TCOF1: variants seen among roughly 807,000 people sequenced by gnomAD.
TCOF1 encodes the protein treacle protein.
Under a neutral mutation model 149.0 loss-of-function variants are expected in TCOF1, and 33 were observed. The ratio of observed to expected loss-of-function variants is 0.22; its 90% CI spans 0.17 to 0.30. The LOEUF is 0.30. Among genes scored for constraint, TCOF1 ranks in the 10% least tolerant of loss-of-function variants. TCOF1 has a pLI of 1.00. For missense variants in TCOF1, 1,728 were observed against 1,840.7 expected, an observed-to-expected ratio of 0.94 and a Z score of 1.12; for synonymous variants, 789 against 738.8, an observed-to-expected ratio of 1.07 and a Z score of -1.10.
At chr5:150,378,810 C>G in intron 14 of TCOF1, 95 bp from the exon 15 acceptor site, 1 of 1,583,252 alleles carries the variant, frequency 6.3e-7, no homozygotes, top group African/African-American at 1.3e-5. Flanking sequence ...GAGCCAGAAT[C>G]CAGACTCGGG....
chr5:150,369,439 G>A (rs946532934), intron 5 of TCOF1, 90 bp from the exon 6 acceptor site: 2 of 1,501,242 alleles, frequency 1.3e-6, no homozygotes, highest in Non-Finnish European at 1.9e-6. Context: ...ACCTGGCTTT[G>A]ATGAGCAGCT....
intron 17 of TCOF1, among the ~76,000 whole-genome samples, chr5:150,385,967 C>T (rs1766198531): frequency 6.6e-6 from 1 of 152,156 alleles, no homozygotes; most frequent in South Asian, 2.1e-4. Context: ...TGAGCCCAGG[C>T]TGGGATAACT....
In TCOF1 at chr5:150,359,959, A is replaced by G. The variant is rs1026664837; in HGVS notation, c.109-1197A>G. On this transcript the variant is annotated intron_variant, in intron 1 of 26. Transcript: ENST00000643257. ...AAGGAAATGAGGGAGTGAGCTGTGT[A>G]GTTAACAGGGGAGAGAACATTCCAG... is the stretch of plus-strand genomic sequence containing the variant. Among the ~76,000 whole-genome samples, 8 of 152,308 alleles carry G rather than the reference A, an allele frequency of 5.3e-5. No homozygotes were observed. In the South Asian group the frequency reaches 1.7e-3, roughly 32 times the overall value.
intron 7 of TCOF1, among the ~76,000 whole-genome samples, chr5:150,373,805 G>A (rs1191350173): frequency 2.0e-5 from 3 of 152,184 alleles, no homozygotes; most frequent in Non-Finnish European, 2.9e-5. Context: ...GCCAGTGCCT[G>A]TGCCTCCAGA....
chr5:150,357,839 G>A lies in TCOF1; in HGVS notation c.93G>A (p.Lys31=). ...AGYVRAAREV[K]EQSGQKCFLA... Reference sequence around the variant, plus strand: ...ATGTGCGTGCGGCGCGGGAAGTGAAGGAGCAGAGCGGCCAGGTAAGCGTTC... The same window carrying A: ...ATGTGCGTGCGGCGCGGGAAGTGAAAGAGCAGAGCGGCCAGGTAAGCGTTC... The change falls in exon 1 of 27, where the codon AAG becomes AAA. Residue 31 remains lysine, a synonymous_variant. Transcript: ENST00000643257. 1.3e-6 allele frequency: 2 copies of A among 1,549,700 alleles called. No individual in the cohort carries two copies. The highest frequency in any genetic ancestry group is 8.7e-7 in the Non-Finnish European group (1 of 1,146,502).
Position 150,375,883 on chromosome 5 carries a change from G to A in TCOF1, c.1867G>A (p.Ala623Thr), listed in dbSNP as rs201126288. 1.8e-4 allele frequency: 288 copies of A among 1,614,198 alleles called. 1 individual carries two copies. The South Asian group carries it at 3.0e-3, about 17-fold the overall frequency. ...ESSDSADSEEAPAAMTAAQAK... is the reference protein window; with the variant it reads ...ESSDSADSEETPAAMTAAQAK... ...ATCGGACAGTGCGGACAGTGAGGAG[G>A]CACCAGCAGCCATGACTGCAGCTCA... is the stretch of plus-strand genomic sequence containing the variant. The change falls in exon 12 of 27, where the codon GCA (alanine) becomes ACA (threonine). Residue 623 changes from alanine to threonine, a missense_variant. By Grantham distance (58) the Ala-to-Thr change is moderately conservative. Around this residue, in one of 2 missense-constraint regions of TCOF1, gnomAD observed 1,696 missense variants for 1,765.4 expected, o/e 0.96. Transcript: ENST00000643257.
In TCOF1 at chr5:150,375,011, T is replaced by A; in HGVS notation, c.1336T>A (p.Ser446Thr). Reference protein sequence around the residue: ...VRAASAPAKESPRKGAAPAPP... With the variant: ...VRAASAPAKETPRKGAAPAPP... ...AGCCGCCTCGGCCCCTGCCAAGGAG[T>A]CCCCCAGGAAAGGGGCTGCCCCAGC... The change falls in exon 10 of 27, where the codon TCC becomes ACC. Residue 446 changes from serine to threonine, a missense_variant. Physicochemically the swap from Ser to Thr is moderately conservative, Grantham distance 58. Transcript: ENST00000643257. The A allele has an allele frequency of 6.2e-7, 1 of 1,612,228 alleles. No homozygotes were observed. Among genetic ancestry groups the A allele is most frequent in the East Asian group, 2.2e-5 (1 of 44,792 alleles).
rs936684562 is a variant in TCOF1, at chr5:150,368,778, G to A, written c.441G>A (p.Thr147=). The A allele has an allele frequency of 1.2e-5, 20 of 1,614,058 alleles. No homozygotes were observed. The highest frequency in any genetic ancestry group is 2.2e-5 in the East Asian group (1 of 44,894). The change falls in exon 5 of 27, where the codon ACG becomes ACA. Residue 147 remains threonine (T), a synonymous_variant. Transcript: ENST00000643257. ...NSMPHPATGK[T]VANLLSGKSP... ...TGCCACACCCTGCCACTGGGAAGAC[G>A]GTGGCCAACCTTCTTTCTGGGAAGT...
chr5:150,374,901 G>C, intron 9 of TCOF1, 53 bp from the exon 10 acceptor site: 2 of 1,611,492 alleles, frequency 1.2e-6, no homozygotes, highest in Non-Finnish European at 1.7e-6. Context: ...TCCAGCTCCT[G>C]TCTCCACACG....
In TCOF1 at chr5:150,368,108, A is replaced by G. The variant is rs1369959685; in HGVS notation, c.378+191A>G. 10 of 602,352 alleles carry G rather than the reference A, an allele frequency of 1.7e-5. No homozygotes were observed. In the East Asian group the frequency reaches 2.4e-4, roughly 14 times the overall value. The allele number at this position is 602,352 out of a possible 1,614,324, so 37.3% of individuals were successfully genotyped here. On this transcript the variant is annotated intron_variant, in intron 4 of 26. Coordinates refer to ENST00000643257, the MANE Select transcript of TCOF1 (RefSeq NM_001371623.1). Reference sequence around the variant, plus strand: ...GGCCTCAGTTTACTTTTCTATAAAGATAAGGATGATGCCTGCTGCAGTGGG... The same window carrying G: ...GGCCTCAGTTTACTTTTCTATAAAGGTAAGGATGATGCCTGCTGCAGTGGG...
At chr5:150,357,959 G>A (rs1315734766) in intron 1 of TCOF1, 105 bp downstream of exon 1, 3 of 1,215,846 alleles carry the variant, frequency 2.5e-6, no homozygotes, top group Non-Finnish European at 2.3e-6. Context: ...GCCCGGAGCC[G>A]GGTCCCGCAG....
chr5:150,375,113 G>A lies in TCOF1; in HGVS notation c.1438G>A (p.Glu480Lys), dbSNP rs1267859664. 3.7e-6 allele frequency: 6 copies of A among 1,613,972 alleles called. No individual in the cohort carries two copies. The highest frequency in any genetic ancestry group is 2.2e-5 in the East Asian group (1 of 44,896). The stretch of plus-strand genomic sequence containing the variant: ...GGAGGAGGACTCAAGAAGCAGCAGC[G>A]AGGAGTCAGACAGTGACAGAGAGGC... ...KQEEDSRSSS[E>K]ESDSDREALA... is the part of the protein sequence containing the mutation. The change falls in exon 10 of 27, where the codon GAG becomes AAG. Residue 480 changes from glutamate (E) to lysine (K), a missense_variant. Coordinates refer to ENST00000643257, the MANE Select transcript of TCOF1 (RefSeq NM_001371623.1).
chr5:150,374,619 G>A lies in TCOF1; in HGVS notation c.1086G>A (p.Ala362=), dbSNP rs151344568. 1.4e-5 allele frequency: 22 copies of A among 1,611,116 alleles called. No homozygotes were observed. The highest frequency in any genetic ancestry group is 6.7e-5 in the African/African-American group (5 of 74,226). Residue 362 remains alanine, a splice_region_variant and synonymous_variant, in exon 9 of 27, where the codon GCG becomes GCA. Transcript: ENST00000643257. ...ETPAAKALLQ[A]KASGKTSQVG... The stretch of plus-strand genomic sequence containing the variant: ...CTCCCCTTGTCTTGTTTCTCCAGGC[G>A]AAGGCCTCAGGAAAAACCTCTCAGG...
chr5:150,358,836 CAA>C (rs997780967), intron 1 of TCOF1, among the ~76,000 whole-genome samples: 23 of 145,174 alleles, frequency 1.6e-4, no homozygotes, highest in African/African-American at 5.6e-4. Flanking sequence ...GACTCTGCCT[CAA>C]AAAAAAAAGA....
chr5:150,396,431 G>A lies in TCOF1; in HGVS notation c.3934G>A (p.Val1312Met), dbSNP rs1161629512. 6.2e-7 allele frequency: 1 copy of A among 1,613,994 alleles called. No homozygotes were observed. Among genetic ancestry groups the A allele is most frequent in the Admixed American group, 1.7e-5 (1 of 60,004 alleles). Residue 1312 changes from valine to methionine, a missense_variant, in exon 24 of 27, where the codon GTG becomes ATG. Coordinates refer to ENST00000643257, the MANE Select transcript of TCOF1 (RefSeq NM_001371623.1). ...GQPWPLNEAQVQASVVKVLTE... is the reference protein window; with the variant it reads ...GQPWPLNEAQMQASVVKVLTE... ...ACCCTGGCCCCTGAATGAGGCCCAG[G>A]TGCAGGCCTCAGTGGTGAAGGTCCT... is the stretch of plus-strand genomic sequence containing the variant.
At chr5:150,358,757 A>G (rs1035974679) in intron 1 of TCOF1, among the ~76,000 whole-genome samples, 5 of 152,192 alleles carry the variant, frequency 3.3e-5, no homozygotes, top group Non-Finnish European at 7.3e-5. Context: ...GAATTGCTTG[A>G]ACCCGGGAGG....
At chr5:150,384,289 A>C (rs1581168869) in intron 17 of TCOF1, 1 of 989,354 alleles carries the variant, frequency 1.0e-6, no homozygotes, top group African/African-American at 1.7e-5. Context: ...TTTTCTGTTT[A>C]ATCTCCACAA....
intron 3 of TCOF1, 112 bp downstream of exon 3, chr5:150,364,364 G>T (rs1760829608): frequency 6.8e-7 from 1 of 1,477,338 alleles, no homozygotes; most frequent in Non-Finnish European, 9.2e-7. Flanking sequence ...CCCTGGGGAG[G>T]AGATTGGGAG....
At chr5:150,368,087 T>G in intron 4 of TCOF1, 170 bp downstream of exon 4, 1 of 667,618 alleles carries the variant, frequency 1.5e-6, no homozygotes, top group East Asian at 2.8e-5. Context: ...TCTCTGGGCC[T>G]CAGTTTACTT....
Sources: allele counts gnomAD v4.1 joint callset (sites outside exome capture counted in the v4.1 genomes callset), GRCh38; gene constraint gnomAD v4.1.1; regional missense constraint gnomAD v4.1.1; transcripts MANE v1.5; gene names NCBI Gene and HGNC (gene_info 2026-07-23, HGNC 2026-07-21).